The following RFX3 variants were observed in gnomAD, a reference collection of about 807,000 sequenced individuals.
RFX3 encodes transcription factor RFX3.
RFX3 carries 14 observed loss-of-function variants against 98.6 expected under a neutral mutation model. That is an observed-to-expected ratio of 0.14 (90% CI 0.09 to 0.22). RFX3 has a LOEUF of 0.22. Among genes scored for constraint, RFX3 ranks in the 10% least tolerant of loss-of-function variants. The pLI, the probability that RFX3 is intolerant of heterozygous loss-of-function variation, is 1.00. For synonymous variants in RFX3, 383 were observed against 328.4 expected, an observed-to-expected ratio of 1.17 and a Z score of -1.80; for missense variants, 639 against 926.9, an observed-to-expected ratio of 0.69 and a Z score of 4.03.
At position 3,220,644 on chromosome 9, in the gene RFX3, C is replaced by CCT. The variant is rs397724136; in HGVS notation, c.*4397_*4398insAG. The stretch of plus-strand genomic sequence containing the variant: ...AAACACTTTCTCTTCCTACCCCCCC[C>CCT]TTTAAAAAAACAGCATAATTAGACA... On this transcript the variant is annotated 3_prime_UTR_variant, in exon 17 of 17. Coordinates refer to ENST00000617270, the MANE Select transcript of RFX3 (RefSeq NM_001282116.2). 1 of 151,444 alleles carries CCT rather than the reference C, an allele frequency of 6.6e-6. No individual in the cohort carries two copies. Among genetic ancestry groups the CCT allele is most frequent in the Non-Finnish European group, 1.5e-5 (1 of 67,816 alleles). The allele number at this position is 151,444 out of a possible 1,614,324, so 9.4% of individuals were successfully genotyped here.
At chr9:3,232,323 G>A (rs1168205335) in intron 15 of RFX3, among the ~76,000 whole-genome samples, 1 of 152,162 alleles carries the variant, frequency 6.6e-6, no homozygotes, top group Non-Finnish European at 1.5e-5. Context: ...GACTGCGAGT[G>A]TCACACAGTC....
intron 1 of RFX3, among the ~76,000 whole-genome samples, chr9:3,483,213 G>C (rs1278438772): frequency 6.6e-6 from 1 of 152,040 alleles, no homozygotes; most frequent in Non-Finnish European, 1.5e-5. Flanking sequence ...GAAGACTTTG[G>C]GAAATGTTTA....
At chr9:3,337,133 C>T (rs565558246) in intron 3 of RFX3, among the ~76,000 whole-genome samples, 1 of 152,198 alleles carries the variant, frequency 6.6e-6, no homozygotes, top group Non-Finnish European at 1.5e-5. Context: ...CTACAAAGTC[C>T]TGAGGCCAGA....
intron 3 of RFX3, among the ~76,000 whole-genome samples, chr9:3,332,621 A>C (rs928350936): frequency 6.6e-6 from 1 of 152,024 alleles, no homozygotes; most frequent in African/African-American, 2.4e-5. Context: ...CCGCTTAAAA[A>C]CCTTTCCATG....
chr9:3,503,747 C>A (rs1816303564), intron 1 of RFX3, among the ~76,000 whole-genome samples: 1 of 152,018 alleles, frequency 6.6e-6, no homozygotes, highest in Non-Finnish European at 1.5e-5. Flanking sequence ...TCATAAATTA[C>A]TATCAAAGAT....
chr9:3,234,349 A>G (rs1242762858), intron 15 of RFX3, among the ~76,000 whole-genome samples: 1 of 152,190 alleles, frequency 6.6e-6, no homozygotes, highest in Non-Finnish European at 1.5e-5. Flanking sequence ...AAAACTTTAC[A>G]AAAACAAGGC....
intron 9 of RFX3, among the ~76,000 whole-genome samples, chr9:3,273,296 T>C (rs1824746381): frequency 6.6e-6 from 1 of 152,088 alleles, no homozygotes; most frequent in Non-Finnish European, 1.5e-5. Flanking sequence ...CTCAGCCCTA[T>C]GAGAGAGATG....
chr9:3,521,198 G>T (rs1818676111), intron 1 of RFX3, among the ~76,000 whole-genome samples: 1 of 151,898 alleles, frequency 6.6e-6, no homozygotes, highest in African/African-American at 2.4e-5. Flanking sequence ...TGATTCTCAG[G>T]GTAACCTAAG....
chr9:3,419,641 C>A (rs1843276248), intron 1 of RFX3, among the ~76,000 whole-genome samples: 1 of 152,194 alleles, frequency 6.6e-6, no homozygotes, highest in Admixed American at 6.5e-5. Flanking sequence ...CTGCAGTTCT[C>A]CGTTGGTATC....
chr9:3,335,442 G>C (rs185632799), intron 3 of RFX3, among the ~76,000 whole-genome samples: 174 of 152,120 alleles, frequency 1.1e-3, no homozygotes, highest in African/African-American at 4.0e-3. Flanking sequence ...CTTCATATGA[G>C]TTACTGCTTG....
At chr9:3,513,816 CAAGAT>C (rs1238218770) in intron 1 of RFX3, among the ~76,000 whole-genome samples, 3 of 152,090 alleles carry the variant, frequency 2.0e-5, no homozygotes, top group African/African-American at 7.2e-5. Context: ...TTCCAAGTTC[CAAGAT>C]AAAAGAATCC....
chr9:3,268,580 T>C (rs1204610580), intron 11 of RFX3, among the ~76,000 whole-genome samples: 1 of 151,926 alleles, frequency 6.6e-6, no homozygotes, highest in African/African-American at 2.4e-5. Flanking sequence ...GGTATATCAA[T>C]GCATCTTATA....
At chr9:3,448,512 T>C (rs1846256247) in intron 1 of RFX3, among the ~76,000 whole-genome samples, 1 of 152,182 alleles carries the variant, frequency 6.6e-6, no homozygotes, top group East Asian at 1.9e-4. Context: ...ATATTTCTTT[T>C]TCTTCTTTAA....
chr9:3,324,872 G>T (rs999282207), intron 4 of RFX3, among the ~76,000 whole-genome samples: 1 of 152,096 alleles, frequency 6.6e-6, no homozygotes, highest in African/African-American at 2.4e-5. Context: ...GCTGAGGTGG[G>T]AGAATCGCTT....
chr9:3,395,740 G>C, intron 1 of RFX3, 144 bp from the exon 2 acceptor site: 1 of 776,968 alleles, frequency 1.3e-6, no homozygotes, highest in East Asian at 2.8e-5. Context: ...GACAGTCCGT[G>C]CATGTGTATG....
At chr9:3,336,729 A>G (rs1833227057) in intron 3 of RFX3, among the ~76,000 whole-genome samples, 1 of 152,160 alleles carries the variant, frequency 6.6e-6, no homozygotes, top group African/African-American at 2.4e-5. Flanking sequence ...CAGTGTAAAC[A>G]ATTTTCTTAA....
chr9:3,386,715 G>C (rs981441352), intron 2 of RFX3, among the ~76,000 whole-genome samples: 1 of 152,166 alleles, frequency 6.6e-6, no homozygotes, highest in African/African-American at 2.4e-5. Context: ...GTTGGATTTA[G>C]CTTGTCCAGA....
At chr9:3,471,977 A>C (rs1848818802) in intron 1 of RFX3, among the ~76,000 whole-genome samples, 1 of 152,220 alleles carries the variant, frequency 6.6e-6, no homozygotes, top group Middle Eastern at 3.2e-3. Flanking sequence ...CTGACTTATG[A>C]TAAACAGCAC....
At chr9:3,413,886 A>G (rs980953010) in intron 1 of RFX3, among the ~76,000 whole-genome samples, 1 of 152,132 alleles carries the variant, frequency 6.6e-6, no homozygotes, top group African/African-American at 2.4e-5. Flanking sequence ...CTCTCCACCT[A>G]GATAACATGA....
Sources: gnomAD v4.1 joint callset for allele counts (sites outside exome capture counted in the v4.1 genomes callset) on GRCh38, gnomAD v4.1.1 for gene constraint, MANE v1.5 for transcripts, NCBI Gene and HGNC (gene_info 2026-07-23, HGNC 2026-07-21) for gene names.